The following SLCO1B3 variants were observed in gnomAD, a reference collection of about 807,000 sequenced individuals.
SLCO1B3 encodes liver-specific organic anion transporter 2.
A neutral mutation model predicts 71.8 loss-of-function variants in SLCO1B3; 72 were observed. That is an observed-to-expected ratio of 1.00 (90% confidence interval 0.83 to 1.22). The LOEUF (loss-of-function observed/expected upper bound fraction) is 1.22, where lower values mean the gene tolerates loss of function less well. Ranked by LOEUF, SLCO1B3 falls within the 50% of genes most tolerant of loss-of-function variation. SLCO1B3 has a pLI of 0.00. For missense variants in SLCO1B3, 911 were observed against 819.7 expected (o/e 1.11, Z -1.36); for synonymous variants, 298 against 278.4 (o/e 1.07, Z -0.70).
At chr12:20,898,209 C>G in intron 13 of SLCO1B3, among the ~76,000 whole-genome samples, 1 of 152,100 alleles carries the variant, frequency 6.6e-6, no homozygotes, top group Non-Finnish European at 1.5e-5. Context: ...ATTTGTTAAA[C>G]TGCCTTGAAA....
intron 3 of SLCO1B3, among the ~76,000 whole-genome samples, chr12:20,824,313 T>A (rs955541458): frequency 1.3e-5 from 2 of 152,208 alleles, no homozygotes; most frequent in Non-Finnish European, 2.9e-5. Context: ...CATGTTCTGC[T>A]CAATATTGGA....
intron 3 of SLCO1B3, among the ~76,000 whole-genome samples, chr12:20,853,841 A>G (rs1391481168): frequency 6.6e-6 from 1 of 151,464 alleles, no homozygotes; most frequent in Non-Finnish European, 1.5e-5. Flanking sequence ...TCTTTCCTTA[A>G]TATCAATTTA....
intron 13 of SLCO1B3, among the ~76,000 whole-genome samples, chr12:20,887,642 A>G (rs891579369): frequency 1.3e-5 from 2 of 151,420 alleles, no homozygotes; most frequent in African/African-American, 4.8e-5. Context: ...ATTGTTTGCA[A>G]ATATTTTCTC....
rs557058408 is a variant in SLCO1B3 at position 20,865,673 on chromosome 12, T to C, written c.727+2819T>C. On this transcript the variant is annotated intron_variant, in intron 8 of 15. Transcript: ENST00000381545. Reference sequence around the variant, plus strand: ...AAACCTTGCAGATAAACTAGGCAGCTTACAAATACAGAAAAAGTTAAGAGA... The same window carrying C: ...AAACCTTGCAGATAAACTAGGCAGCCTACAAATACAGAAAAAGTTAAGAGA... Among the ~76,000 whole-genome samples, 3 of 152,140 alleles carry C rather than the reference T, an allele frequency of 2.0e-5. No homozygotes were observed. In the South Asian group the frequency reaches 6.2e-4, roughly 31 times the overall value.
At chr12:20,861,670 C>T (rs1381467658) in intron 6 of SLCO1B3, among the ~76,000 whole-genome samples, 3 of 151,970 alleles carry the variant, frequency 2.0e-5, no homozygotes, top group African/African-American at 7.2e-5. Flanking sequence ...CATTTGAAGA[C>T]TTTGTAACTA....
intron 3 of SLCO1B3, among the ~76,000 whole-genome samples, chr12:20,834,596 T>C (rs1442999940): frequency 6.6e-6 from 1 of 151,750 alleles, no homozygotes; most frequent in Non-Finnish European, 1.5e-5. Flanking sequence ...CATGAAAACA[T>C]AGGTGTTTGA....
rs77851390 is a variant in SLCO1B3, at chr12:20,883,534, T to C, written c.1614T>C (p.Val538=). Residue 538 remains valine, a synonymous_variant, in exon 13 of 16, where the codon GTT becomes GTC. Transcript: ENST00000381545. ...NTCTRKFFIY[V]AIQVINSLFS... ...GTACAAGGAAATTTTTCATCTATGTTGCAATTCAAGTCATAAACTCTTTGT... is the reference window on the plus strand; with the variant it reads ...GTACAAGGAAATTTTTCATCTATGTCGCAATTCAAGTCATAAACTCTTTGT... 798 of 1,605,556 alleles carry C rather than the reference T, an allele frequency of 5.0e-4. 4 individuals are homozygous for C. In the African/African-American group the frequency reaches 9.8e-3, roughly 20 times the overall value.
chr12:20,836,740 C>G (rs1004128650), intron 3 of SLCO1B3, among the ~76,000 whole-genome samples: 2 of 152,104 alleles, frequency 1.3e-5, no homozygotes, highest in Non-Finnish European at 2.9e-5. Context: ...CTCCCTGGTT[C>G]ATGCCATTCT....
At chr12:20,912,537 T>C (rs909279875) in intron 15 of SLCO1B3, among the ~76,000 whole-genome samples, 14 of 150,584 alleles carry the variant, frequency 9.3e-5, no homozygotes, top group African/African-American at 2.7e-4. Flanking sequence ...CTTTTCTTTT[T>C]TTTCAGATGG....
intron 3 of SLCO1B3, among the ~76,000 whole-genome samples, chr12:20,852,948 C>A (rs1169747114): frequency 6.6e-6 from 1 of 151,924 alleles, no homozygotes; most frequent in Non-Finnish European, 1.5e-5. Context: ...GAACTTCCAG[C>A]AGTAGGTTGA....
At chr12:20,844,748 G>A (rs1328701106) in intron 3 of SLCO1B3, among the ~76,000 whole-genome samples, 9 of 151,792 alleles carry the variant, frequency 5.9e-5, no homozygotes, top group Admixed American at 2.6e-4. Flanking sequence ...AAAATTATTC[G>A]GCCAGGTGTG....
At chr12:20,871,338 T>C (rs983157948) in intron 8 of SLCO1B3, among the ~76,000 whole-genome samples, 7 of 152,230 alleles carry the variant, frequency 4.6e-5, no homozygotes, top group African/African-American at 2.4e-5. Context: ...TCTCTGAGTT[T>C]CTTCAGAATA....
intron 3 of SLCO1B3, among the ~76,000 whole-genome samples, chr12:20,822,440 G>T (rs781080230): frequency 9.2e-5 from 14 of 152,110 alleles, no homozygotes; most frequent in Non-Finnish European, 1.9e-4. Flanking sequence ...AAATTCAAAG[G>T]GTTAGTCACT....
chr12:20,894,575 T>G (rs902007413), intron 13 of SLCO1B3, among the ~76,000 whole-genome samples: 1 of 152,140 alleles, frequency 6.6e-6, no homozygotes, highest in Non-Finnish European at 1.5e-5. Flanking sequence ...GTTTACCTTG[T>G]GTGTGTAGTA....
chr12:20,916,744 C>A lies in SLCO1B3; in HGVS notation c.*497C>A, dbSNP rs1172463365. ...TTTGAATTTGTGTTTGACTAACAAC[C>A]TCGATGGATCTTCTTCCAACCTCCC... On this transcript the variant is annotated 3_prime_UTR_variant, in exon 16 of 16. Coordinates refer to ENST00000381545, the MANE Select transcript of SLCO1B3 (RefSeq NM_019844.4). 7 of 152,042 alleles carry A rather than the reference C, an allele frequency of 4.6e-5. No individual in the cohort carries two copies. Among genetic ancestry groups the A allele is most frequent in the Non-Finnish European group, 1.0e-4 (7 of 68,002 alleles). The allele number at this position is 152,042 out of a possible 1,614,324, so 9.4% of individuals were successfully genotyped here. A position where few individuals can be genotyped will look rare whatever the true frequency, so the allele number is the denominator to read the frequency against.
At chr12:20,871,682 C>T (rs960059386) in intron 8 of SLCO1B3, among the ~76,000 whole-genome samples, 9 of 152,124 alleles carry the variant, frequency 5.9e-5, no homozygotes, top group Admixed American at 2.0e-4. Context: ...GATTATTAGG[C>T]AGAGACTCTT....
At chr12:20,812,825 GAAAACTCT>G (rs1288625153) in intron 1 of SLCO1B3, among the ~76,000 whole-genome samples, 1 of 152,050 alleles carries the variant, frequency 6.6e-6, no homozygotes, top group East Asian at 1.9e-4. Context: ...TAAAGAAAAA[GAAAACTCT>G]AAAGCTGAAG....
At chr12:20,897,785 T>C (rs531851542) in intron 13 of SLCO1B3, among the ~76,000 whole-genome samples, 1 of 152,188 alleles carries the variant, frequency 6.6e-6, no homozygotes, top group Admixed American at 6.5e-5. Context: ...TCTCTTGGTA[T>C]GTACTAAGTT....
intron 3 of SLCO1B3, among the ~76,000 whole-genome samples, chr12:20,835,449 G>A (rs1864660109): frequency 6.6e-6 from 1 of 151,952 alleles, no homozygotes. Flanking sequence ...GCTTCCTCTT[G>A]TACACTTTGC....
Sources: allele counts gnomAD v4.1 joint callset (sites outside exome capture counted in the v4.1 genomes callset), GRCh38; gene constraint gnomAD v4.1.1; transcripts MANE v1.5; gene names NCBI Gene and HGNC (gene_info 2026-07-23, HGNC 2026-07-21).